SLC26A8: variants seen among roughly 807,000 people sequenced by gnomAD.
The protein encoded by SLC26A8 is solute carrier family 26 member 8, also known as testis anion transporter 1.
A neutral mutation model predicts 105.0 loss-of-function variants in SLC26A8; 70 were observed. That is an observed-to-expected ratio of 0.67 (90% confidence interval 0.55 to 0.81). The LOEUF (loss-of-function observed/expected upper bound fraction) is 0.81, where lower values mean the gene tolerates loss of function less well. Ranked by LOEUF, SLC26A8 falls within the 40% of genes least tolerant of loss-of-function variation. The probability of loss-of-function intolerance (pLI) is 0.00; values close to 1 mark genes in which losing one functional copy is unlikely to be tolerated. For synonymous variants in SLC26A8, 415 were observed against 438.3 expected, an observed-to-expected ratio of 0.95 and a Z score of 0.66; for missense variants, 998 against 1,181.8, an observed-to-expected ratio of 0.84 and a Z score of 2.28.
At chr6:35,974,462 A>G (rs531595655) in intron 10 of SLC26A8, among the ~76,000 whole-genome samples, 7 of 152,244 alleles carry the variant, frequency 4.6e-5, no homozygotes, top group African/African-American at 7.2e-5. Flanking sequence ...CATTTAGTTT[A>G]CTGACTCAGA....
intron 2 of SLC26A8, among the ~76,000 whole-genome samples, chr6:36,018,946 A>G (rs1467766400): frequency 6.6e-6 from 1 of 152,022 alleles, no homozygotes; most frequent in African/African-American, 2.4e-5. Context: ...ATTTTTTTTG[A>G]GACAGAGACT....
chr6:36,012,446 G>A (rs1761888628), intron 2 of SLC26A8, 74 bp from the exon 3 acceptor site: 4 of 1,488,100 alleles, frequency 2.7e-6, no homozygotes, highest in African/African-American at 1.4e-5. Context: ...AAAGGCATTT[G>A]GCCCACATAG....
rs758233484 is a variant in SLC26A8 at position 35,999,997 on chromosome 6, G to A, written c.440C>T (p.Ser147Phe). The change falls in exon 4 of 20, where the codon TCC becomes TTC. Residue 147 changes from serine to phenylalanine, a missense_variant. By Grantham distance (155) the Ser-to-Phe change is radical (BLOSUM62 -2). Coordinates refer to ENST00000490799, the MANE Select transcript of SLC26A8 (RefSeq NM_052961.4). Reference sequence around the variant, plus strand: ...TATTTCAGTGCTGAACTCACCAATGGACATTTGATGACACGATCCAAAAAT... The same window carrying A: ...TATTTCAGTGCTGAACTCACCAATGAACATTTGATGACACGATCCAAAAAT... ...YVIFGSCHQM[S>F]IGSFFLVSAL... The A allele has an allele frequency of 1.2e-6, 2 of 1,607,958 alleles. No homozygotes were observed. The highest frequency in any genetic ancestry group is 1.7e-6 in the Non-Finnish European group (2 of 1,174,530).
chr6:35,951,202 G>C lies in SLC26A8; in HGVS notation c.2433C>G (p.Ser811=). Residue 811 remains serine, a synonymous_variant, in exon 19 of 20, where the codon TCC becomes TCG. Coordinates refer to ENST00000490799, the MANE Select transcript of SLC26A8 (RefSeq NM_052961.4). ...IGSSELSIDE[S]ETVIRETYSE... is the part of the protein sequence containing the mutation. The stretch of plus-strand genomic sequence containing the variant: ...AGTAGGTTTCCCGTATCACTGTCTC[G>C]GATTCATCGATGCTTAACTCAGAGG... 6.2e-7 allele frequency: 1 copy of C among 1,612,654 alleles called. No homozygotes were observed. Among genetic ancestry groups the C allele is most frequent in the Non-Finnish European group, 8.5e-7 (1 of 1,179,910 alleles).
intron 16 of SLC26A8, among the ~76,000 whole-genome samples, chr6:35,958,592 T>C (rs1772186710): frequency 6.6e-6 from 1 of 152,100 alleles, no homozygotes; most frequent in Admixed American, 6.5e-5. Context: ...AGTTCGAGAC[T>C]AGCCTGGCCA....
intron 2 of SLC26A8, among the ~76,000 whole-genome samples, 196 bp from the exon 3 acceptor site, chr6:36,012,568 C>T (rs186693778): frequency 3.9e-5 from 6 of 151,990 alleles, no homozygotes; most frequent in African/African-American, 1.4e-4. Flanking sequence ...CAGCATCCCT[C>T]GTCTCTACAC....
intron 2 of SLC26A8, among the ~76,000 whole-genome samples, chr6:36,018,105 A>G (rs1167427768): frequency 1.3e-5 from 2 of 152,270 alleles, no homozygotes; most frequent in Admixed American, 6.5e-5. Flanking sequence ...GCTACTGTGG[A>G]AAACAGTTTG....
At position 35,943,842 on chromosome 6, in the gene SLC26A8, C is replaced by T. The variant is rs1771565741; in HGVS notation, c.*58G>A. The T allele has an allele frequency of 1.3e-6, 2 of 1,576,626 alleles. No individual in the cohort carries two copies. Among genetic ancestry groups the T allele is most frequent in the Non-Finnish European group, 1.7e-6 (2 of 1,159,468 alleles). ...AGTCTAGGTCTCTGGACAATTGACC[C>T]CTTTTTGGGTAGGAGGATTTGCCAG... On this transcript the variant is annotated 3_prime_UTR_variant, in exon 20 of 20. Coordinates refer to ENST00000490799, the MANE Select transcript of SLC26A8 (RefSeq NM_052961.4).
chr6:36,000,466 C>T (rs563001438), intron 3 of SLC26A8, among the ~76,000 whole-genome samples: 32 of 152,262 alleles, frequency 2.1e-4, no homozygotes, highest in Non-Finnish European at 3.8e-4. Flanking sequence ...ACAAGCAGGC[C>T]GTGGGAATTC....
rs972810112 is a variant in SLC26A8, at chr6:35,977,444, T to C, written c.1026-93A>G. ...TCTAACACTGGGCTGTCCTGATTCT[T>C]TTTTTTTTTTTTTTAATAACAATAG... On this transcript the variant is annotated intron_variant, in intron 8 of 19. Coordinates refer to ENST00000490799, the MANE Select transcript of SLC26A8 (RefSeq NM_052961.4). The C allele has an allele frequency of 2.1e-5, 17 of 809,810 alleles. No individual in the cohort carries two copies. In the African/African-American group the frequency reaches 2.5e-4, roughly 12 times the overall value. The allele number at this position is 809,810 out of a possible 1,614,324, so 50.2% of individuals were successfully genotyped here.
intron 9 of SLC26A8, among the ~76,000 whole-genome samples, chr6:35,976,201 A>G (rs2127322942): frequency 6.6e-6 from 1 of 152,034 alleles, no homozygotes; most frequent in Non-Finnish European, 1.5e-5. Context: ...TGAGGCAGGC[A>G]GATTGTGAGG....
chr6:36,023,601 T>C (rs187234614), intron 1 of SLC26A8, among the ~76,000 whole-genome samples: 26 of 151,814 alleles, frequency 1.7e-4, no homozygotes, highest in African/African-American at 6.3e-4. Context: ...ACAATCCAAT[T>C]TTTTAGCTAT....
chr6:36,024,618 G>C lies in SLC26A8; in HGVS notation c.-117C>G, dbSNP rs890199238. 17 of 383,106 alleles carry C rather than the reference G, an allele frequency of 4.4e-5. No individual in the cohort carries two copies. Among genetic ancestry groups the C allele is most frequent in the African/African-American group, 3.6e-4 (17 of 47,746 alleles). 23.7% of individuals were successfully genotyped at this position (383,106 alleles called of 1,614,324 possible). Reference sequence around the variant, plus strand: ...GCGGTTCCCGAGCCGTTGTGGCCTAGCCCGCGGGCGTTCCGGGCGGGCTGA... The same window carrying C: ...GCGGTTCCCGAGCCGTTGTGGCCTACCCCGCGGGCGTTCCGGGCGGGCTGA... On this transcript the variant is annotated 5_prime_UTR_variant, in exon 1 of 20. Coordinates refer to ENST00000490799, the MANE Select transcript of SLC26A8 (RefSeq NM_052961.4).
chr6:35,943,568 C>A lies in SLC26A8; in HGVS notation c.*332G>T. On this transcript the variant is annotated 3_prime_UTR_variant, in exon 20 of 20. Transcript: ENST00000490799. ...CTTCATCTCTTTGGAGAAAGGGGAA[C>A]AGGGATGAGAGGATTAAGTTAGAGA... 4.1e-6 allele frequency: 1 copy of A among 243,638 alleles called. No homozygotes were observed. Among genetic ancestry groups the A allele is most frequent in the African/African-American group, 2.2e-5 (1 of 45,718 alleles). 15.1% of individuals were successfully genotyped at this position (243,638 alleles called of 1,614,324 possible).
intron 8 of SLC26A8, among the ~76,000 whole-genome samples, chr6:35,978,730 A>C (rs1773145067): frequency 6.6e-6 from 1 of 152,118 alleles, no homozygotes; most frequent in African/African-American, 2.4e-5. Context: ...TCTTGCATTT[A>C]AAATTTTATT....
chr6:35,944,896 C>T (rs771891542), intron 19 of SLC26A8, among the ~76,000 whole-genome samples: 7 of 152,272 alleles, frequency 4.6e-5, no homozygotes, highest in Middle Eastern at 3.4e-3. Flanking sequence ...GTTGCCCAGG[C>T]TGGAGTGCAG....
intron 7 of SLC26A8, among the ~76,000 whole-genome samples, chr6:35,985,922 T>G (rs1773501429): frequency 6.6e-6 from 1 of 151,162 alleles, no homozygotes; most frequent in East Asian, 1.9e-4. Context: ...AAAAATCATA[T>G]ATATTTGTCA....
At chr6:35,961,388 G>A (rs1017393141) in intron 12 of SLC26A8, among the ~76,000 whole-genome samples, 2 of 152,154 alleles carry the variant, frequency 1.3e-5, no homozygotes, top group African/African-American at 4.8e-5. Flanking sequence ...GCTTTGTTGA[G>A]ATTAGGAATA....
At chr6:35,979,542 A>G (rs1177531695) in intron 8 of SLC26A8, among the ~76,000 whole-genome samples, 1 of 152,184 alleles carries the variant, frequency 6.6e-6, no homozygotes. Flanking sequence ...TGAGCTAAGT[A>G]GAAGCATAAC....
Sources: gnomAD v4.1 joint callset for allele counts (sites outside exome capture counted in the v4.1 genomes callset) on GRCh38, gnomAD v4.1.1 for gene constraint, MANE v1.5 for transcripts, NCBI Gene and HGNC (gene_info 2026-07-23, HGNC 2026-07-21) for gene names.